The following TMX3 variants were observed in gnomAD, a reference collection of about 807,000 sequenced individuals.
The protein encoded by TMX3 is protein disulfide-isomerase TMX3.
In TMX3, 40 loss-of-function variants were observed where a neutral mutation model predicts 64.4. The ratio of observed to expected loss-of-function variants is 0.62; its 90% CI spans 0.48 to 0.81. The LOEUF (loss-of-function observed/expected upper bound fraction) is 0.81, where lower values mean the gene tolerates loss of function less well. Ranked by LOEUF, TMX3 falls within the 30% of genes least tolerant of loss-of-function variation. The probability of loss-of-function intolerance (pLI) is 0.00; values close to 1 mark genes in which losing one functional copy is unlikely to be tolerated. For synonymous variants in TMX3, 189 were observed against 175.7 expected (o/e 1.08, Z -0.60); for missense variants, 497 against 534.5 (o/e 0.93, Z 0.69).
At position 68,710,091 on chromosome 18, in the gene TMX3, T is replaced by C. The variant is rs759389244; in HGVS notation, c.195A>G (p.Glu65=). Residue 65 remains glutamate, a synonymous_variant, in exon 4 of 16, where the codon GAA becomes GAG. Transcript: ENST00000299608. The stretch of plus-strand genomic sequence containing the variant: ...CAATGCTTTTCATCTCAAGACCAAC[T>C]TCATTCCAAATTGGTTCCAGCTTTT... ...HCKKLEPIWN[E]VGLEMKSIGS... 4.4e-6 allele frequency: 7 copies of C among 1,603,844 alleles called. No homozygotes were observed. In the Admixed American group the frequency reaches 6.9e-5, roughly 16 times the overall value.
intron 12 of TMX3, among the ~76,000 whole-genome samples, chr18:68,683,776 T>A (rs1241653258): frequency 6.6e-6 from 1 of 152,108 alleles, no homozygotes; most frequent in Non-Finnish European, 1.5e-5. Flanking sequence ...ATAGATTCAC[T>A]TTCTGTGGTT....
At chr18:68,677,712 G>T (rs1177368680) in intron 15 of TMX3, among the ~76,000 whole-genome samples, 2 of 152,048 alleles carry the variant, frequency 1.3e-5, no homozygotes, top group Non-Finnish European at 2.9e-5. Context: ...TAGCTCCCAG[G>T]AAAGTAAAAG....
rs1913884788 is a variant in TMX3, at chr18:68,685,719, A to G, written c.737-1234T>C. On this transcript the variant is annotated intron_variant, in intron 10 of 15. Coordinates refer to ENST00000299608, the MANE Select transcript of TMX3 (RefSeq NM_019022.5). The stretch of plus-strand genomic sequence containing the variant: ...CTCTGCGCTTGTGAAAGCACAACAC[A>G]ATAGAACTGGTAGACATTTTCATCA... Among the ~76,000 whole-genome samples, 6 of 152,210 alleles carry G rather than the reference A, an allele frequency of 3.9e-5. No homozygotes were observed. In the South Asian group the frequency reaches 1.2e-3, roughly 32 times the overall value.
rs939312658 is a variant in TMX3 at position 68,676,972 on chromosome 18, C to G, written c.1326G>C (p.Val442=). ...PSSGGSVVPT[V]QEPKDVLEKK... ...TTTCTAATACATCCTTGGGCTCCTG[C>G]ACTGTAGGCACTACAGATCCTCCAC... The change falls in exon 16 of 16, where the codon GTG becomes GTC. Residue 442 remains valine (V), a synonymous_variant. Coordinates refer to ENST00000299608, the MANE Select transcript of TMX3 (RefSeq NM_019022.5). 6.2e-7 allele frequency: 1 copy of G among 1,613,674 alleles called. No homozygotes were observed. Among genetic ancestry groups the G allele is most frequent in the African/African-American group, 1.3e-5 (1 of 74,902 alleles).
At chr18:68,705,573 C>T (rs1224137364) in intron 4 of TMX3, among the ~76,000 whole-genome samples, 3 of 152,096 alleles carry the variant, frequency 2.0e-5, no homozygotes, top group African/African-American at 7.2e-5. Flanking sequence ...TGGAGAGTAA[C>T]AGAATTTCAG....
chr18:68,685,475 C>CT (rs932304919), intron 10 of TMX3, among the ~76,000 whole-genome samples: 5 of 152,058 alleles, frequency 3.3e-5, no homozygotes, highest in African/African-American at 7.2e-5. Flanking sequence ...GTTTGCTATT[C>CT]TTTTTTTGTA....
rs1912781475 is a variant in TMX3 at position 68,674,629 on chromosome 18, T to C, written c.*2304A>G. 1 of 152,234 alleles carries C rather than the reference T, an allele frequency of 6.6e-6. No individual in the cohort carries two copies. The highest frequency in any genetic ancestry group is 6.5e-5 in the Admixed American group (1 of 15,288). The allele number at this position is 152,234 out of a possible 1,614,324, so 9.4% of individuals were successfully genotyped here. ...TTTCACGGAATGAAACTAACATTCA[T>C]AGTAATCTCTGATATCACATTGAAG... On this transcript the variant is annotated 3_prime_UTR_variant, in exon 16 of 16. Transcript: ENST00000299608.
intron 4 of TMX3, among the ~76,000 whole-genome samples, chr18:68,705,352 T>A (rs887758400): frequency 2.6e-4 from 40 of 152,090 alleles, no homozygotes; most frequent in African/African-American, 9.4e-4. Context: ...CACAGAACTA[T>A]CCAGCCCAAA....
In TMX3 at chr18:68,699,444, A is replaced by T. The variant is rs187138390; in HGVS notation, c.392+961T>A. Among the ~76,000 whole-genome samples, 167 of 152,334 alleles carry T rather than the reference A, an allele frequency of 1.1e-3. 1 individual carries two copies. Among genetic ancestry groups the T allele is most frequent in the Non-Finnish European group, 1.5e-3 (100 of 68,032 alleles). ...ATTCACAAAGGAAATCAAATGAAAC[A>T]CGGTCGACAAGAAAATACAGTGAAA... On this transcript the variant is annotated intron_variant, in intron 6 of 15. Transcript: ENST00000299608.
At chr18:68,694,258 C>A (rs1599317410) in intron 8 of TMX3, among the ~76,000 whole-genome samples, 1 of 152,212 alleles carries the variant, frequency 6.6e-6, no homozygotes, top group South Asian at 2.1e-4. Context: ...CTCCCCAAGT[C>A]AGGGCTGTGA....
At chr18:68,685,330 G>C (rs1206406058) in intron 10 of TMX3, among the ~76,000 whole-genome samples, 3 of 152,162 alleles carry the variant, frequency 2.0e-5, no homozygotes, top group Admixed American at 2.0e-4. Flanking sequence ...TAATCTTTCA[G>C]TATTATCCCT....
Position 68,698,813 on chromosome 18 carries a change from G to A in TMX3, c.393-782C>T, listed in dbSNP as rs187096424. Among the ~76,000 whole-genome samples, 5 of 151,914 alleles carry A rather than the reference G, an allele frequency of 3.3e-5. No homozygotes were observed. The East Asian group carries it at 5.8e-4, about 18-fold the overall frequency. On this transcript the variant is annotated intron_variant, in intron 6 of 15. Coordinates refer to ENST00000299608, the MANE Select transcript of TMX3 (RefSeq NM_019022.5). ...GGGTGGATCATGAGGTCAGGAGGTCGAGACCATCCTGGCTAATACGGTGAA... is the reference window on the plus strand; with the variant it reads ...GGGTGGATCATGAGGTCAGGAGGTCAAGACCATCCTGGCTAATACGGTGAA...
At chr18:68,682,494 A>G (rs943043270) in intron 13 of TMX3, among the ~76,000 whole-genome samples, 6 of 152,196 alleles carry the variant, frequency 3.9e-5, no homozygotes, top group African/African-American at 1.2e-4. Context: ...AATTTTAAAC[A>G]GATAAAAATT....
Position 68,676,917 on chromosome 18 carries a change from T to G in TMX3, c.*16A>C. The G allele has an allele frequency of 6.2e-7, 1 of 1,602,534 alleles. No homozygotes were observed. The highest frequency in any genetic ancestry group is 1.7e-5 in the Admixed American group (1 of 57,498). On this transcript the variant is annotated 3_prime_UTR_variant, in exon 16 of 16. Coordinates refer to ENST00000299608, the MANE Select transcript of TMX3 (RefSeq NM_019022.5). ...ATAATTTGAAGTCCTAACAAATATT[T>G]TATAGTCATCAAGTCTCAATCTTTC...
chr18:68,692,615 G>A (rs1476498363), intron 8 of TMX3, among the ~76,000 whole-genome samples: 2 of 152,066 alleles, frequency 1.3e-5, no homozygotes, highest in African/African-American at 4.8e-5. Flanking sequence ...GCACTTATTT[G>A]AGAATCATCT....
chr18:68,674,730 A>G lies in TMX3; in HGVS notation c.*2203T>C, dbSNP rs1412536750. ...GACAATGTAAATAAACATCTCCCAA[A>G]GTAGAGAAAAAAACAAAATTTTAAT... On this transcript the variant is annotated 3_prime_UTR_variant, in exon 16 of 16. Transcript: ENST00000299608. The G allele has an allele frequency of 6.6e-6, 1 of 152,118 alleles. No homozygotes were observed. The highest frequency in any genetic ancestry group is 2.4e-5 in the African/African-American group (1 of 41,430). 9.4% of individuals were successfully genotyped at this position (152,118 alleles called of 1,614,324 possible).
At position 68,681,070 on chromosome 18, in the gene TMX3, T is replaced by C. The variant is rs773267293; in HGVS notation, c.946A>G (p.Asn316Asp). The C allele has an allele frequency of 1.2e-6, 2 of 1,602,604 alleles. No homozygotes were observed. Among genetic ancestry groups the C allele is most frequent in the South Asian group, 2.3e-5 (2 of 87,984 alleles). Residue 316 changes from asparagine (N) to aspartate (D), a missense_variant, in exon 14 of 16, where the codon AAC becomes GAC. Asn to Asp is a conservative substitution (Grantham distance 23). Coordinates refer to ENST00000299608, the MANE Select transcript of TMX3 (RefSeq NM_019022.5). ...CTATCTAGCAAGAAATATTGCTGGT[T>C]TGAAGTATTCAGTACAACTACAGTT... The part of the protein sequence containing the change: ...VPTVVVLNTS[N>D]QQYFLLDRQI...
rs746563370 is a variant in TMX3 at position 68,687,741 on chromosome 18, G to A, written c.662C>T (p.Ser221Leu). The A allele has an allele frequency of 4.3e-6, 7 of 1,611,644 alleles. No individual in the cohort carries two copies. In the East Asian group the frequency reaches 1.3e-4, roughly 31 times the overall value. Residue 221 changes from serine (S) to leucine (L), a missense_variant, in exon 10 of 16, where the codon TCA becomes TTA. Coordinates refer to ENST00000299608, the MANE Select transcript of TMX3 (RefSeq NM_019022.5). The part of the protein sequence containing the change: ...YDEYEDGDLS[S>L]WINRERFQNY... ...CTGAAACCTTTCCCTGTTGATCCAT[G>A]ATGACAGATCACCATCTTCATACTC...
chr18:68,688,306 T>C (rs1465407352), intron 9 of TMX3: 2 of 152,326 alleles, frequency 1.3e-5, no homozygotes, highest in Admixed American at 6.5e-5. Context: ...TATGATAGTC[T>C]TCCTAGTTTA....
Sources: allele counts gnomAD v4.1 joint callset (sites outside exome capture counted in the v4.1 genomes callset), GRCh38; gene constraint gnomAD v4.1.1; transcripts MANE v1.5; gene names NCBI Gene and HGNC (gene_info 2026-07-23, HGNC 2026-07-21).